The following CEP72 variants were observed in gnomAD, a reference collection of about 807,000 sequenced individuals.
The protein encoded by CEP72 is centrosomal protein of 72 kDa.
Under a neutral mutation model 65.7 loss-of-function variants are expected in CEP72, and 78 were observed. The ratio of observed to expected loss-of-function variants is 1.19; its 90% CI spans 0.99 to 1.43. The LOEUF (loss-of-function observed/expected upper bound fraction) is 1.43, where lower values mean the gene tolerates loss of function less well. Ranked by LOEUF, CEP72 falls within the 40% of genes most tolerant of loss-of-function variation. The probability of loss-of-function intolerance (pLI) is 0.00; values close to 1 mark genes in which losing one functional copy is unlikely to be tolerated. For synonymous variants in CEP72, 358 were observed against 351.7 expected, an observed-to-expected ratio of 1.02 and a Z score of -0.20; for missense variants, 914 against 832.9, an observed-to-expected ratio of 1.10 and a Z score of -1.20.
intron 1 of CEP72, among the ~76,000 whole-genome samples, chr5:618,561 A>G (rs893815851): frequency 6.6e-6 from 1 of 152,032 alleles, no homozygotes; most frequent in East Asian, 1.9e-4. Flanking sequence ...GGGATTTTGC[A>G]GTGGGGGAGA....
At chr5:648,597 G>A (rs1281166385) in intron 11 of CEP72, among the ~76,000 whole-genome samples, 1 of 136,928 alleles carries the variant, frequency 7.3e-6, no homozygotes, top group African/African-American at 2.8e-5. Flanking sequence ...GTGTGACTGT[G>A]AGGCGTGGAC....
chr5:668,219 A>G (rs76794792), downstream of CEP72, among the ~76,000 whole-genome samples: 168 of 45,774 alleles, frequency 3.7e-3, 4 homozygotes, highest in African/African-American at 0.013. Flanking sequence ...ACAAGCACAC[A>G]GAGAGGGGGC....
At chr5:621,353 A>G (rs1344628512) in intron 3 of CEP72, among the ~76,000 whole-genome samples, 1 of 152,244 alleles carries the variant, frequency 6.6e-6, no homozygotes, top group Non-Finnish European at 1.5e-5. Flanking sequence ...AGTGCCCTGA[A>G]CAGGCTGTTT....
downstream of CEP72, among the ~76,000 whole-genome samples, chr5:671,402 C>T (rs890048177): frequency 3.9e-5 from 6 of 152,126 alleles, no homozygotes; most frequent in Admixed American, 6.5e-5. Flanking sequence ...CGGCTGCCTC[C>T]ATCCACCCCA....
At chr5:642,788 C>T (rs564030364) in intron 9 of CEP72, 522 of 985,334 alleles carry the variant, frequency 5.3e-4, no homozygotes, top group Non-Finnish European at 5.9e-4. Flanking sequence ...AGGGAGCAGC[C>T]GTGCAGGCTG....
At chr5:628,165 C>T (rs78095673) in intron 4 of CEP72, among the ~76,000 whole-genome samples, 6,503 of 152,336 alleles carry the variant, frequency 0.043, 444 homozygotes, top group African/African-American at 0.15. Context: ...GACATTCAGA[C>T]TCATTGTGTC....
rs1444658631 is a variant in CEP72 at position 639,096 on chromosome 5, C to T, written c.1214C>T (p.Pro405Leu). 2.5e-6 allele frequency: 4 copies of T among 1,613,376 alleles called. No individual in the cohort carries two copies. The highest frequency in any genetic ancestry group is 3.4e-6 in the Non-Finnish European group (4 of 1,179,894). The part of the protein sequence containing the change: ...RGVTDTREPS[P>L]GSHSALPGKK... ...CTGTTGTTTCCATCACAGCCGTCTC[C>T]CGGGTCACACTCGGCTCTACCCGGG... Residue 405 changes from proline (P) to leucine (L), a missense_variant, in exon 8 of 12, where the codon CCC becomes CTC. Coordinates refer to ENST00000264935, the MANE Select transcript of CEP72 (RefSeq NM_018140.4).
chr5:615,498 T>TATCAAA (rs1735936611), intron 1 of CEP72, among the ~76,000 whole-genome samples: 1 of 152,218 alleles, frequency 6.6e-6, no homozygotes, highest in Non-Finnish European at 1.5e-5. Context: ...ATTACTGTTG[T>TATCAAA]TACGGTAGCT....
chr5:663,136 G>A (rs1339035743), intron 1 of CEP72: 1 of 118,522 alleles, frequency 8.4e-6, no homozygotes, highest in Non-Finnish European at 1.9e-5. Context: ...CGATTCCGGT[G>A]ACCGCTCGTC....
Position 635,358 on chromosome 5 carries a change from C to CA in CEP72, c.692-12dup. On this transcript the variant is annotated splice_polypyrimidine_tract_variant and intron_variant, in intron 5 of 11. Coordinates refer to ENST00000264935, the MANE Select transcript of CEP72 (RefSeq NM_018140.4). ...AATGTTTTATGAAATATTTTATTTACAATATTTTAATAGAATCCAGACATC... is the reference window on the plus strand; with the variant it reads ...AATGTTTTATGAAATATTTTATTTACAAATATTTTAATAGAATCCAGACATC... The CA allele has an allele frequency of 1.3e-6, 2 of 1,522,324 alleles. No individual in the cohort carries two copies. Among genetic ancestry groups the CA allele is most frequent in the South Asian group, 2.4e-5 (2 of 84,682 alleles). 94.3% of individuals were successfully genotyped at this position (1,522,324 alleles called of 1,614,324 possible).
intron 1 of CEP72, among the ~76,000 whole-genome samples, chr5:613,036 C>G (rs960574605): frequency 6.6e-6 from 1 of 152,186 alleles, no homozygotes; most frequent in African/African-American, 2.4e-5. Context: ...GTTTTTGAAG[C>G]TTTTAAATGA....
At chr5:652,234 CATG>C (rs1739158401) in intron 11 of CEP72, among the ~76,000 whole-genome samples, 1 of 152,228 alleles carries the variant, frequency 6.6e-6, no homozygotes, top group South Asian at 2.1e-4. Context: ...AGCTCCCAAA[CATG>C]GTGGCATTGG....
chr5:654,053 CTG>C (rs367576868), downstream of CEP72, among the ~76,000 whole-genome samples: 298 of 130,654 alleles, frequency 2.3e-3, 2 homozygotes, highest in African/African-American at 6.9e-3. Context: ...TGTGTGCTAG[CTG>C]TGTGTGTGTG....
chr5:640,727 G>T, intron 9 of CEP72, 123 bp downstream of exon 9: 1 of 1,444,580 alleles, frequency 6.9e-7, no homozygotes. Context: ...GCAGCCCCAT[G>T]TCTCCACTCC....
At chr5:654,667 G>A (rs892803063), downstream of CEP72, among the ~76,000 whole-genome samples, 4 of 152,190 alleles carry the variant, frequency 2.6e-5, no homozygotes, top group Non-Finnish European at 5.9e-5. Flanking sequence ...CGTAATTTAT[G>A]TATGTAAGAG....
chr5:616,624 C>T (rs1736004884), intron 1 of CEP72, among the ~76,000 whole-genome samples: 1 of 152,188 alleles, frequency 6.6e-6, no homozygotes, highest in Admixed American at 6.5e-5. Context: ...TGCTGGGTGC[C>T]ACCTTGTTGC....
intron 1 of CEP72, among the ~76,000 whole-genome samples, chr5:614,019 C>T (rs1198659794): frequency 6.6e-6 from 1 of 152,200 alleles, no homozygotes; most frequent in African/African-American, 2.4e-5. Context: ...TCCCTTCTTC[C>T]CTGATTAGTG....
At chr5:656,377 A>C (rs1739378913), downstream of CEP72, among the ~76,000 whole-genome samples, 1 of 152,188 alleles carries the variant, frequency 6.6e-6, no homozygotes, top group Non-Finnish European at 1.5e-5. Context: ...CTTGGGAATC[A>C]TTGACGTACT....
In CEP72 at chr5:643,501, C is replaced by T. The variant is rs567920228; in HGVS notation, c.1540-798C>T. 4.4e-5 allele frequency: 43 copies of T among 985,326 alleles called. No individual in the cohort carries two copies. In the South Asian group the frequency reaches 1.5e-3, roughly 34 times the overall value. 61.0% of individuals were successfully genotyped at this position (985,326 alleles called of 1,614,324 possible). On this transcript the variant is annotated intron_variant, in intron 9 of 11. Coordinates refer to ENST00000264935, the MANE Select transcript of CEP72 (RefSeq NM_018140.4). The stretch of plus-strand genomic sequence containing the variant: ...GGTGCATGCATGCTGAGGGGGCTGT[C>T]GGCGGGTGGGCTCACTGAGCGGAGA...
Sources: gnomAD v4.1 joint callset for allele counts (sites outside exome capture counted in the v4.1 genomes callset) on GRCh38, gnomAD v4.1.1 for gene constraint, MANE v1.5 for transcripts, NCBI Gene and HGNC (gene_info 2026-07-23, HGNC 2026-07-21) for gene names.